Variants in KIAA1217 observed in about 807,000 individuals in gnomAD.
KIAA1217 encodes sickle tail protein homolog.
A neutral mutation model predicts 163.9 loss-of-function variants in KIAA1217; 88 were observed. That is an observed-to-expected ratio of 0.54 (90% confidence interval 0.45 to 0.64). The LOEUF is 0.64. KIAA1217 is among the 30% of genes least tolerant of loss of function. KIAA1217 has a pLI of 0.00. For missense variants in KIAA1217, 2,372 were observed against 2,475.0 expected, an observed-to-expected ratio of 0.96 and a Z score of 0.88; for synonymous variants, 903 against 923.1, an observed-to-expected ratio of 0.98 and a Z score of 0.39.
At chr10:23,789,978 TATACACATATAC>T (rs1490648906) in intron 1 of KIAA1217, among the ~76,000 whole-genome samples, 1 of 126,102 alleles carries the variant, frequency 7.9e-6, no homozygotes, top group East Asian at 2.2e-4. Flanking sequence ...CATATACATA[TATACACATATAC>T]ATATACACAT....
At chr10:24,423,835 C>T (rs1222340279) in intron 3 of KIAA1217, among the ~76,000 whole-genome samples, 1 of 152,192 alleles carries the variant, frequency 6.6e-6, no homozygotes, top group Admixed American at 6.5e-5. Flanking sequence ...AGCACCCGGC[C>T]AAGGGCACAT....
At chr10:24,429,225 T>C (rs1415144281) in intron 3 of KIAA1217, among the ~76,000 whole-genome samples, 1 of 152,218 alleles carries the variant, frequency 6.6e-6, no homozygotes, top group Non-Finnish European at 1.5e-5. Context: ...ATCCTTCCTA[T>C]GTGACTTTTT....
chr10:24,065,709 G>A (rs951358284), intron 2 of KIAA1217, among the ~76,000 whole-genome samples: 1 of 152,104 alleles, frequency 6.6e-6, no homozygotes, highest in Non-Finnish European at 1.5e-5. Flanking sequence ...TTAACTTTCT[G>A]TCTCATTGAT....
chr10:24,205,925 T>C (rs1166714957), upstream of KIAA1217, among the ~76,000 whole-genome samples: 2 of 152,252 alleles, frequency 1.3e-5, no homozygotes, highest in Non-Finnish European at 2.9e-5. Context: ...CCATTTACGT[T>C]GCGTTATCAA....
In KIAA1217 at chr10:24,521,871, C is replaced by T; in HGVS notation, c.2398C>T (p.Leu800=). The T allele has an allele frequency of 6.2e-7, 1 of 1,613,884 alleles. No homozygotes were observed. The highest frequency in any genetic ancestry group is 8.5e-7 in the Non-Finnish European group (1 of 1,180,032). Reference sequence around the variant, plus strand: ...GTTTCTGAAGGAGGAGCCACACAAGCTGGACAGTCTCCTGAAGCGTGTGCG... The same window carrying T: ...GTTTCTGAAGGAGGAGCCACACAAGTTGGACAGTCTCCTGAAGCGTGTGCG... The part of the protein sequence containing the change: ...VRFLKEEPHK[L]DSLLKRVRSM... Residue 800 remains leucine, a synonymous_variant, in exon 12 of 21, where the codon CTG becomes TTG. Coordinates refer to ENST00000376454, the MANE Select transcript of KIAA1217 (RefSeq NM_019590.5).
intron 2 of KIAA1217, chr10:24,255,712 G>A (rs548856328): frequency 5.4e-5 from 14 of 260,494 alleles, no homozygotes; most frequent in African/African-American, 1.4e-4. Context: ...GTTCCCAGTC[G>A]CTTCTTGCTG....
At chr10:24,030,277 C>T (rs571867192) in intron 2 of KIAA1217, among the ~76,000 whole-genome samples, 6 of 152,046 alleles carry the variant, frequency 3.9e-5, no homozygotes, top group Non-Finnish European at 7.4e-5. Context: ...TTTTAATCCC[C>T]AAGTGTCGAG....
chr10:24,124,500 C>T (rs2063396882), intron 2 of KIAA1217, among the ~76,000 whole-genome samples: 1 of 152,028 alleles, frequency 6.6e-6, no homozygotes, highest in African/African-American at 2.4e-5. Context: ...ATGTTGATAA[C>T]AGGCATCCTG....
At chr10:24,282,068 A>C (rs1188339266) in intron 2 of KIAA1217, among the ~76,000 whole-genome samples, 3 of 151,918 alleles carry the variant, frequency 2.0e-5, no homozygotes, top group Non-Finnish European at 2.9e-5. Context: ...ACAACAACAA[A>C]AAAAGTACCA....
intron 2 of KIAA1217, among the ~76,000 whole-genome samples, chr10:24,283,863 C>T (rs934335204): frequency 1.3e-5 from 2 of 151,676 alleles, no homozygotes; most frequent in African/African-American, 4.8e-5. Context: ...ATTTGCAATT[C>T]CTTAATAACA....
At chr10:24,167,630 T>A (rs1371631367) in intron 2 of KIAA1217, among the ~76,000 whole-genome samples, 1 of 152,162 alleles carries the variant, frequency 6.6e-6, no homozygotes, top group Non-Finnish European at 1.5e-5. Context: ...AAGAACTCTG[T>A]AGCCTTCCAT....
rs1433854504 is a variant in KIAA1217, at chr10:24,495,174, C to T, written c.1812C>T (p.Asn604=). 4 of 1,612,652 alleles carry T rather than the reference C, an allele frequency of 2.5e-6. No homozygotes were observed. The highest frequency in any genetic ancestry group is 2.2e-5 in the South Asian group (2 of 90,910). Residue 604 remains asparagine, a synonymous_variant, in exon 8 of 21, where the codon AAC becomes AAT. Coordinates refer to ENST00000376454, the MANE Select transcript of KIAA1217 (RefSeq NM_019590.5). ...AGAAAATGATGAAAACCACAGCCAA[C>T]AGGAACCACACAGATAGTGCAGGTA... ...SSEKMMKTTA[N]RNHTDSAGTP... is the part of the protein sequence containing the mutation.
At chr10:24,253,372 G>A (rs1353535653) in intron 2 of KIAA1217, among the ~76,000 whole-genome samples, 1 of 152,074 alleles carries the variant, frequency 6.6e-6, no homozygotes, top group Non-Finnish European at 1.5e-5. Context: ...GGAACTCCAG[G>A]GTGCTACGTA....
At chr10:24,320,760 G>A (rs74230822) in intron 2 of KIAA1217, among the ~76,000 whole-genome samples, 2,098 of 152,198 alleles carry the variant, frequency 0.014, 48 homozygotes, top group East Asian at 0.1. Flanking sequence ...AAGCTACAGA[G>A]AGGCCGGGCT....
chr10:24,244,071 G>A (rs967532351), intron 2 of KIAA1217, among the ~76,000 whole-genome samples: 4 of 152,164 alleles, frequency 2.6e-5, no homozygotes, highest in Admixed American at 2.6e-4. Context: ...CCACTGAAGA[G>A]CATATGAAGT....
At chr10:24,036,852 A>G (rs1226774689) in intron 2 of KIAA1217, among the ~76,000 whole-genome samples, 1 of 152,232 alleles carries the variant, frequency 6.6e-6, no homozygotes, top group Non-Finnish European at 1.5e-5. Flanking sequence ...TTGGAGGTTG[A>G]GACTTGGAAG....
At chr10:23,895,210 C>T (rs560834848) in intron 1 of KIAA1217, among the ~76,000 whole-genome samples, 1 of 152,092 alleles carries the variant, frequency 6.6e-6, no homozygotes, top group African/African-American at 2.4e-5. Context: ...AGGCAACCCA[C>T]AAAATGGGAG....
chr10:23,813,036 A>G (rs1837146637), intron 1 of KIAA1217, among the ~76,000 whole-genome samples: 1 of 152,080 alleles, frequency 6.6e-6, no homozygotes, highest in Non-Finnish European at 1.5e-5. Context: ...AAGAGGCTAC[A>G]CCATGTTACA....
chr10:23,745,517 T>C (rs1158155410), intron 1 of KIAA1217, among the ~76,000 whole-genome samples: 6 of 152,208 alleles, frequency 3.9e-5, no homozygotes, highest in Non-Finnish European at 5.9e-5. Context: ...TAGACTTCAA[T>C]ACATGATGTT....
Sources: allele counts gnomAD v4.1 joint callset (sites outside exome capture counted in the v4.1 genomes callset), GRCh38; gene constraint gnomAD v4.1.1; transcripts MANE v1.5; gene names NCBI Gene and HGNC (gene_info 2026-07-23, HGNC 2026-07-21).